Variants in TMEM131 observed in about 807,000 individuals in gnomAD.
The protein encoded by TMEM131 is transmembrane protein 131, also known as 2610524E03Rik.
In TMEM131, 66 loss-of-function variants were observed where a neutral mutation model predicts 211.6. The ratio of observed to expected loss-of-function variants is 0.31; its 90% CI spans 0.26 to 0.38. The LOEUF (loss-of-function observed/expected upper bound fraction) is 0.38. Among genes scored for constraint, TMEM131 ranks in the 10% least tolerant of loss-of-function variants. The pLI is 1.00. For synonymous variants in TMEM131, 844 were observed against 841.3 expected, an observed-to-expected ratio of 1.00 and a Z score of -0.06; for missense variants, 2,036 against 2,299.3, an observed-to-expected ratio of 0.89 and a Z score of 2.34.
intron 3 of TMEM131, among the ~76,000 whole-genome samples, chr2:97,898,246 T>G (rs1675701048): frequency 1.3e-5 from 2 of 152,126 alleles, no homozygotes; most frequent in Admixed American, 1.3e-4. Flanking sequence ...TTATAAAATT[T>G]TTCTTCTATC....
chr2:97,915,045 T>G (rs1165984707), intron 2 of TMEM131, among the ~76,000 whole-genome samples: 3 of 152,198 alleles, frequency 2.0e-5, no homozygotes, highest in African/African-American at 7.2e-5. Context: ...GTATTTGGTG[T>G]TGTCACTGTT....
At chr2:97,924,079 CA>C (rs569753225) in intron 2 of TMEM131, among the ~76,000 whole-genome samples, 79 of 129,400 alleles carry the variant, frequency 6.1e-4, no homozygotes, top group Middle Eastern at 3.7e-3. Context: ...GACCCCATCT[CA>C]AAAAAAAAAA....
At chr2:97,829,627 C>T (rs1224921241) in intron 11 of TMEM131, among the ~76,000 whole-genome samples, 4 of 152,180 alleles carry the variant, frequency 2.6e-5, no homozygotes, top group African/African-American at 4.8e-5. Flanking sequence ...TCCCCTTCCA[C>T]GCTGTGGAAG....
intron 19 of TMEM131, among the ~76,000 whole-genome samples, chr2:97,809,365 A>G (rs1294961618): frequency 6.6e-6 from 1 of 152,208 alleles, no homozygotes; most frequent in African/African-American, 2.4e-5. Flanking sequence ...CTCTGTTGGA[A>G]GAAATTCTAA....
At chr2:97,992,419 T>G (rs1158674325) in intron 1 of TMEM131, among the ~76,000 whole-genome samples, 1 of 152,210 alleles carries the variant, frequency 6.6e-6, no homozygotes, top group African/African-American at 2.4e-5. Context: ...AAAAAATTTT[T>G]AAAGTCCTAA....
intron 1 of TMEM131, among the ~76,000 whole-genome samples, chr2:97,941,982 C>T (rs77577441): frequency 0.053 from 8,054 of 152,138 alleles, 307 homozygotes; most frequent in Middle Eastern, 0.12. Context: ...CGGGTATATA[C>T]CCAAAGGATT....
chr2:97,873,140 A>G (rs1476155527), intron 4 of TMEM131, among the ~76,000 whole-genome samples: 2 of 152,188 alleles, frequency 1.3e-5, no homozygotes, highest in African/African-American at 2.4e-5. Context: ...GTCACGGGGA[A>G]GTTCGAACTG....
intron 1 of TMEM131, among the ~76,000 whole-genome samples, 161 bp downstream of exon 1, chr2:97,995,315 C>A (rs954942360): frequency 6.6e-6 from 1 of 152,310 alleles, no homozygotes; most frequent in Middle Eastern, 3.4e-3. Context: ...AAGGCCACTC[C>A]GTGCGGCGGG....
chr2:97,949,283 G>A (rs1387559715), intron 1 of TMEM131, among the ~76,000 whole-genome samples: 1 of 152,142 alleles, frequency 6.6e-6, no homozygotes. Flanking sequence ...GTATGATTCT[G>A]CTTATACAAA....
At chr2:97,827,184 T>G (rs1235276153) in intron 11 of TMEM131, 1 of 650,184 alleles carries the variant, frequency 1.5e-6, no homozygotes, top group African/African-American at 1.8e-5. Flanking sequence ...CAGCCCAGTT[T>G]CGTGAAGGCT....
chr2:97,972,836 G>C (rs1679366275), intron 1 of TMEM131, among the ~76,000 whole-genome samples: 1 of 152,148 alleles, frequency 6.6e-6, no homozygotes, highest in Non-Finnish European at 1.5e-5. Context: ...TTGAAGGCAG[G>C]GGAAGGGGCT....
Position 97,948,671 on chromosome 2 carries a change from T to A in TMEM131, c.188-21184A>T, listed in dbSNP as rs900277116. On this transcript the variant is annotated intron_variant, in intron 1 of 40. Coordinates refer to ENST00000186436, the MANE Select transcript of TMEM131 (RefSeq NM_015348.2). ...TAGTTTCTTTTTTTTTTATTTATTT[T>A]TTTTGAGACGGAGCCTCGCGCTGTC... Among the ~76,000 whole-genome samples the A allele has an allele frequency of 3.3e-5, 5 of 152,260 alleles. No individual in the cohort carries two copies. In the East Asian group the frequency reaches 5.8e-4, roughly 18 times the overall value.
chr2:97,816,159 G>A (rs1681818157), intron 12 of TMEM131, among the ~76,000 whole-genome samples: 1 of 152,026 alleles, frequency 6.6e-6, no homozygotes, highest in African/African-American at 2.4e-5. Context: ...TGGCCAACAT[G>A]GTGAAACCCT....
intron 1 of TMEM131, among the ~76,000 whole-genome samples, chr2:97,954,280 A>G (rs1328404870): frequency 2.6e-5 from 4 of 152,236 alleles, no homozygotes. Context: ...AAGACTGACA[A>G]AAAGGTGAAG....
chr2:97,808,110 T>C (rs533471413), intron 19 of TMEM131, among the ~76,000 whole-genome samples: 1 of 152,296 alleles, frequency 6.6e-6, no homozygotes, highest in Non-Finnish European at 1.5e-5. Context: ...TTATGTTTCA[T>C]ATACATTTAT....
At chr2:97,794,082 C>T (rs1165407435) in intron 29 of TMEM131, among the ~76,000 whole-genome samples, 3 of 146,782 alleles carry the variant, frequency 2.0e-5, no homozygotes, top group African/African-American at 7.6e-5. Flanking sequence ...CTTTTTTTTC[C>T]TGAGACAAAG....
chr2:97,934,649 T>C (rs377292143), intron 1 of TMEM131, among the ~76,000 whole-genome samples: 105 of 152,296 alleles, frequency 6.9e-4, no homozygotes, highest in African/African-American at 2.2e-3. Flanking sequence ...CAGTGTGATA[T>C]TGGCAGAGGG....
At chr2:97,884,874 T>C (rs1675076885) in intron 4 of TMEM131, among the ~76,000 whole-genome samples, 1 of 152,204 alleles carries the variant, frequency 6.6e-6, no homozygotes, top group South Asian at 2.1e-4. Context: ...CCAGTTTATA[T>C]CTTTTAGATG....
intron 4 of TMEM131, among the ~76,000 whole-genome samples, chr2:97,860,335 G>A (rs1674017645): frequency 6.6e-6 from 1 of 152,094 alleles, no homozygotes; most frequent in Non-Finnish European, 1.5e-5. Context: ...TGCCTGCCCT[G>A]TGTTTTTTTT....
Sources: allele counts gnomAD v4.1 joint callset (sites outside exome capture counted in the v4.1 genomes callset), GRCh38; gene constraint gnomAD v4.1.1; transcripts MANE v1.5; gene names NCBI Gene and HGNC (gene_info 2026-07-23, HGNC 2026-07-21).